Variants in SLFN12L observed in about 807,000 individuals in gnomAD.
SLFN12L encodes the protein schlafen family member 12-like.
SLFN12L carries 34 observed loss-of-function variants against 34.8 expected under a neutral mutation model. That is an observed-to-expected ratio of 0.98 (90% CI 0.74 to 1.30). The LOEUF is 1.30. Among genes scored for constraint, SLFN12L ranks in the 50% most tolerant of loss-of-function variants. SLFN12L has a pLI of 0.00. For synonymous variants in SLFN12L, 259 were observed against 247.5 expected (o/e 1.05, Z -0.44); for missense variants, 703 against 696.2 (o/e 1.01, Z -0.11).
chr17:35,487,471 AC>A (rs570622363), intron 2 of SLFN12L, among the ~76,000 whole-genome samples: 3 of 149,512 alleles, frequency 2.0e-5, no homozygotes, highest in African/African-American at 2.5e-5. Context: ...CCCACGGACC[AC>A]CCCCCCCGGA....
intron 1 of SLFN12L, among the ~76,000 whole-genome samples, chr17:35,531,893 C>T (rs2142179324): frequency 6.6e-6 from 1 of 152,006 alleles, no homozygotes; most frequent in African/African-American, 2.4e-5. Context: ...CCTCGGCCTC[C>T]CAAAGTGCTG....
chr17:35,530,939 C>T (rs545204635), intron 1 of SLFN12L, among the ~76,000 whole-genome samples: 2 of 152,296 alleles, frequency 1.3e-5, no homozygotes, highest in South Asian at 2.1e-4. Flanking sequence ...AATCTGTCTG[C>T]TGGGGACATA....
chr17:35,464,932 G>A lies in SLFN12L; in HGVS notation c.*9991C>T, dbSNP rs779534794. ...TGCTCTGTCACCCAGGCTGGAGTGC[G>A]GTGGTGCCATCTTGGCTCACTGCAA... On this transcript the variant is annotated 3_prime_UTR_variant, in exon 5 of 5. Coordinates refer to ENST00000628453, the MANE Select transcript of SLFN12L (RefSeq NM_001363830.2). 5.3e-5 allele frequency among the ~76,000 whole-genome samples: 8 copies of A among 151,972 alleles called. No individual in the cohort carries two copies. The highest frequency in any genetic ancestry group is 1.9e-4 in the East Asian group (1 of 5,192).
At chr17:35,499,305 T>C (rs1340639146) in intron 2 of SLFN12L, 4 of 660,098 alleles carry the variant, frequency 6.1e-6, no homozygotes, top group Non-Finnish European at 9.0e-6. Flanking sequence ...GCCAGACTAA[T>C]GCCATGTAAC....
At chr17:35,501,707 T>G (rs749622414) in intron 2 of SLFN12L, among the ~76,000 whole-genome samples, 1 of 152,290 alleles carries the variant, frequency 6.6e-6, no homozygotes, top group African/African-American at 2.4e-5. Flanking sequence ...TGGAGTACTA[T>G]GACACCAGGA....
At chr17:35,489,896 C>T (rs1325960974) in intron 2 of SLFN12L, 3 of 871,702 alleles carry the variant, frequency 3.4e-6, no homozygotes, top group South Asian at 1.5e-5. Flanking sequence ...AATATTATGA[C>T]AGTTTATACA....
chr17:35,529,086 A>G (rs1474969942), intron 1 of SLFN12L, among the ~76,000 whole-genome samples: 1 of 152,238 alleles, frequency 6.6e-6, no homozygotes, highest in African/African-American at 2.4e-5. Context: ...CAACAAACAT[A>G]TGAAAAAAAG....
chr17:35,500,213 A>G (rs1915242184), intron 2 of SLFN12L: 1 of 152,180 alleles, frequency 6.6e-6, no homozygotes, highest in South Asian at 2.1e-4. Flanking sequence ...ACTGCAACCG[A>G]GACAGTATAA....
rs756032521 is a variant in SLFN12L at position 35,522,347 on chromosome 17, A to T, written c.18T>A (p.Asn6Lys). ...TTCTGTGTGCCTCACAGTGAAACACATTCCTGATCTTCTCCATGATCTTCA... is the reference window on the plus strand; with the variant it reads ...TTCTGTGTGCCTCACAGTGAAACACTTTCCTGATCTTCTCCATGATCTTCA... MEKIR[N>K]VFHCEAHRIL... Residue 6 changes from asparagine (N) to lysine (K), a missense_variant, in exon 2 of 5, where the codon AAT (asparagine) becomes AAA (lysine). Asn to Lys is a moderately conservative substitution (Grantham distance 94). Transcript: ENST00000628453. 5.0e-6 allele frequency: 8 copies of T among 1,614,072 alleles called. No homozygotes were observed. The South Asian group carries it at 7.7e-5, about 16-fold the overall frequency.
chr17:35,515,912 G>A (rs919657780), intron 2 of SLFN12L, among the ~76,000 whole-genome samples: 2 of 152,008 alleles, frequency 1.3e-5, no homozygotes, highest in African/African-American at 2.4e-5. Context: ...AAAGTGCTGA[G>A]ATTACAGGCG....
chr17:35,517,558 C>A (rs1915870227), intron 2 of SLFN12L, among the ~76,000 whole-genome samples: 1 of 152,138 alleles, frequency 6.6e-6, no homozygotes, highest in African/African-American at 2.4e-5. Context: ...CTGTAAATTT[C>A]ATATGGAACC....
intron 2 of SLFN12L, chr17:35,498,948 C>G (rs141258952): frequency 4.2e-6 from 3 of 718,268 alleles, no homozygotes; most frequent in South Asian, 2.7e-5. Context: ...CTTACAGGAG[C>G]GCATTAAGCA....
At chr17:35,490,121 G>T in intron 2 of SLFN12L, 2 of 1,606,046 alleles carry the variant, frequency 1.2e-6, no homozygotes, top group Non-Finnish European at 1.7e-6. Flanking sequence ...GCAGACCGCC[G>T]GCAACCTCCT....
intron 2 of SLFN12L, among the ~76,000 whole-genome samples, chr17:35,517,759 T>C (rs1915876442): frequency 6.6e-6 from 1 of 152,144 alleles, no homozygotes; most frequent in Admixed American, 6.5e-5. Flanking sequence ...TCTACAACCA[T>C]CTGATCTTCG....
intron 2 of SLFN12L, among the ~76,000 whole-genome samples, chr17:35,491,815 C>A (rs1388182233): frequency 2.0e-5 from 3 of 152,236 alleles, no homozygotes; most frequent in Admixed American, 6.5e-5. Context: ...AAGCTATGAA[C>A]TGTGTGTCCC....
chr17:35,478,255 T>C (rs1914127273), intron 3 of SLFN12L, 70 bp from the exon 4 acceptor site: 17 of 932,982 alleles, frequency 1.8e-5, no homozygotes, highest in Non-Finnish European at 2.2e-5. Flanking sequence ...AGCTAACTAA[T>C]GCACAGTATA....
intron 2 of SLFN12L, among the ~76,000 whole-genome samples, chr17:35,516,986 T>C (rs1373744872): frequency 6.6e-6 from 1 of 152,248 alleles, no homozygotes; most frequent in Non-Finnish European, 1.5e-5. Flanking sequence ...CACTTACTTG[T>C]CATCTCAATT....
rs1272305062 is a variant in SLFN12L at position 35,469,328 on chromosome 17, A to G, written c.*5595T>C. 1.0e-5 allele frequency among the ~76,000 whole-genome samples: 1 copy of G among 100,168 alleles called. No individual in the cohort carries two copies. Among genetic ancestry groups the G allele is most frequent in the Non-Finnish European group, 2.1e-5 (1 of 48,312 alleles). The allele number at this position is 100,168 out of a possible 152,430, so 65.7% of individuals were successfully genotyped here. A position where few individuals can be genotyped will look rare whatever the true frequency, so the allele number is the denominator to read the frequency against. On this transcript the variant is annotated 3_prime_UTR_variant, in exon 5 of 5. Transcript: ENST00000628453. The stretch of plus-strand genomic sequence containing the variant: ...AAATATATATATATTATATATATAA[A>G]TATATATATAATATATATATATATG...
intron 2 of SLFN12L, among the ~76,000 whole-genome samples, chr17:35,518,167 G>T (rs567489594): frequency 3.9e-5 from 6 of 152,108 alleles, no homozygotes; most frequent in African/African-American, 1.4e-4. Flanking sequence ...TAATATCCAG[G>T]ATCTACAAGG....
Sources: allele counts gnomAD v4.1 joint callset (sites outside exome capture counted in the v4.1 genomes callset), GRCh38; gene constraint gnomAD v4.1.1; transcripts MANE v1.5; gene names NCBI Gene and HGNC (gene_info 2026-07-23, HGNC 2026-07-21).